EBF1: variants seen among roughly 807,000 people sequenced by gnomAD.
EBF1 encodes transcription factor COE1.
EBF1 carries 10 observed loss-of-function variants against 68.4 expected under a neutral mutation model. The ratio of observed to expected loss-of-function variants is 0.15; its 90% CI spans 0.09 to 0.25. The LOEUF is 0.25. Ranked by LOEUF, EBF1 falls within the 10% of genes least tolerant of loss-of-function variation. EBF1 has a pLI of 1.00. For synonymous variants in EBF1, 298 were observed against 299.8 expected, an observed-to-expected ratio of 0.99 and a Z score of 0.06; for missense variants, 509 against 794.4, an observed-to-expected ratio of 0.64 and a Z score of 4.32.
intron 6 of EBF1, among the ~76,000 whole-genome samples, chr5:159,045,156 C>A (rs1772087468): frequency 6.6e-6 from 1 of 152,044 alleles, no homozygotes; most frequent in East Asian, 1.9e-4. Flanking sequence ...GAAAAGCCAA[C>A]ATCAAAGGTT....
intron 6 of EBF1, among the ~76,000 whole-genome samples, chr5:158,996,622 C>A (rs1761470878): frequency 6.6e-6 from 1 of 152,146 alleles, no homozygotes; most frequent in South Asian, 2.1e-4. Context: ...CGAATCTTAA[C>A]ACAATTTCTT....
At position 158,827,819 on chromosome 5, in the gene EBF1, T is replaced by C. The variant is rs549858533; in HGVS notation, c.637-4502A>G. ...CCCAACATGTTGAAATTTGTATCTT[T>C]AAGCATTTCTCCAACAAACACAGAA... is the stretch of plus-strand genomic sequence containing the variant. On this transcript the variant is annotated intron_variant, in intron 7 of 15. Coordinates refer to ENST00000313708, the MANE Select transcript of EBF1 (RefSeq NM_024007.5). Among the ~76,000 whole-genome samples, 19 of 152,338 alleles carry C rather than the reference T, an allele frequency of 1.2e-4. No individual in the cohort carries two copies. In the East Asian group the frequency reaches 3.7e-3, roughly 29 times the overall value.
intron 6 of EBF1, among the ~76,000 whole-genome samples, chr5:158,981,739 C>T (rs1056269775): frequency 7.2e-5 from 11 of 152,052 alleles, no homozygotes; most frequent in African/African-American, 2.7e-4. Flanking sequence ...CCACAAGCTC[C>T]TAACAAAATG....
intron 6 of EBF1, among the ~76,000 whole-genome samples, chr5:159,057,109 T>C (rs906745209): frequency 1.9e-4 from 27 of 139,520 alleles, no homozygotes; most frequent in African/African-American, 7.0e-4. Flanking sequence ...CTTTTCTTTT[T>C]TTTTTTTTTT....
chr5:159,025,036 A>G (rs1412604841), intron 6 of EBF1, among the ~76,000 whole-genome samples: 1 of 152,252 alleles, frequency 6.6e-6, no homozygotes, highest in East Asian at 1.9e-4. Context: ...TCCGTTACTT[A>G]CAGGAAATAC....
chr5:158,801,997 T>C (rs1161460283), intron 8 of EBF1, among the ~76,000 whole-genome samples: 5 of 152,154 alleles, frequency 3.3e-5, no homozygotes, highest in African/African-American at 1.2e-4. Context: ...ATTTCTTTGA[T>C]AGAAAGCAAG....
chr5:158,742,383 C>T (rs1766599506), intron 10 of EBF1, among the ~76,000 whole-genome samples: 2 of 152,310 alleles, frequency 1.3e-5, no homozygotes, highest in South Asian at 4.1e-4. Flanking sequence ...TTGGAAAAGT[C>T]ACTTACATTC....
intron 6 of EBF1, among the ~76,000 whole-genome samples, chr5:158,891,785 C>T (rs1369557232): frequency 3.9e-5 from 6 of 152,282 alleles, no homozygotes; most frequent in Middle Eastern, 3.4e-3. Flanking sequence ...CTCTCTCTTA[C>T]TCTATAGTTT....
intron 6 of EBF1, among the ~76,000 whole-genome samples, chr5:158,887,881 T>C (rs759093322): frequency 2.0e-5 from 3 of 152,198 alleles, no homozygotes; most frequent in Non-Finnish European, 2.9e-5. Flanking sequence ...TACCTTGAGC[T>C]CTGAAAAGTT....
chr5:158,726,471 G>T (rs1032147288), intron 11 of EBF1, among the ~76,000 whole-genome samples: 1 of 152,170 alleles, frequency 6.6e-6, no homozygotes, highest in African/African-American at 2.4e-5. Flanking sequence ...AGGCTCAGGG[G>T]TATAGGACAT....
At chr5:158,996,696 C>A (rs549140000) in intron 6 of EBF1, among the ~76,000 whole-genome samples, 2 of 152,198 alleles carry the variant, frequency 1.3e-5, no homozygotes, top group South Asian at 4.2e-4. Flanking sequence ...ACACTTCTAC[C>A]ATTTATTACT....
chr5:158,730,564 C>T (rs368015270), intron 11 of EBF1, among the ~76,000 whole-genome samples: 2 of 152,288 alleles, frequency 1.3e-5, no homozygotes. Flanking sequence ...GTTGTCTTTG[C>T]CCAATCTCAA....
intron 6 of EBF1, among the ~76,000 whole-genome samples, chr5:158,932,194 G>T (rs1811026089): frequency 6.6e-6 from 1 of 152,076 alleles, no homozygotes. Flanking sequence ...GGAAATCAGG[G>T]ATGCTTATCA....
chr5:158,790,631 C>T (rs187009576), intron 9 of EBF1, among the ~76,000 whole-genome samples: 1 of 152,320 alleles, frequency 6.6e-6, no homozygotes. Context: ...GAATTTGACT[C>T]AGCATTTCCC....
intron 6 of EBF1, among the ~76,000 whole-genome samples, chr5:158,864,827 C>A (rs997450265): frequency 6.6e-6 from 1 of 152,150 alleles, no homozygotes; most frequent in Non-Finnish European, 1.5e-5. Flanking sequence ...AGTGTGGCTG[C>A]AGCACAGTGA....
chr5:158,903,381 A>G (rs1803866935), intron 6 of EBF1, among the ~76,000 whole-genome samples: 1 of 152,024 alleles, frequency 6.6e-6, no homozygotes, highest in South Asian at 2.1e-4. Context: ...TTATCAGCCA[A>G]CTTCAATTAA....
chr5:159,073,639 T>C, intron 5 of EBF1, 175 bp from the exon 6 acceptor site: 1 of 649,992 alleles, frequency 1.5e-6, no homozygotes, highest in Non-Finnish European at 2.7e-6. Context: ...TATGGGTTAA[T>C]GGCCAGGCTT....
At chr5:158,864,927 C>G (rs1484625289) in intron 6 of EBF1, among the ~76,000 whole-genome samples, 1 of 152,140 alleles carries the variant, frequency 6.6e-6, no homozygotes, top group Non-Finnish European at 1.5e-5. Context: ...GGAGATGGTC[C>G]TTCCCATATG....
intron 7 of EBF1, among the ~76,000 whole-genome samples, chr5:158,824,442 C>T (rs1785569991): frequency 6.6e-6 from 1 of 152,224 alleles, no homozygotes; most frequent in African/African-American, 2.4e-5. Context: ...AAGACAATGG[C>T]AAGAGGGCTA....
Sources: gnomAD v4.1 joint callset for allele counts (sites outside exome capture counted in the v4.1 genomes callset) on GRCh38, gnomAD v4.1.1 for gene constraint, MANE v1.5 for transcripts, NCBI Gene and HGNC (gene_info 2026-07-23, HGNC 2026-07-21) for gene names.